Variants in PDZD9 observed in about 807,000 individuals in gnomAD.
PDZD9 encodes PDZ domain containing 9, also known as PDZ domain-containing protein 9.
Under a neutral mutation model 16.3 loss-of-function variants are expected in PDZD9, and 13 were observed. The ratio of observed to expected loss-of-function variants is 0.80; its 90% CI spans 0.52 to 1.27. The LOEUF is 1.27. PDZD9 is among the 50% of genes most tolerant of loss of function. The probability of loss-of-function intolerance (pLI) is 0.00; values close to 1 mark genes in which losing one functional copy is unlikely to be tolerated. For synonymous variants in PDZD9, 120 were observed against 111.0 expected (o/e 1.08, Z -0.51); for missense variants, 288 against 310.9 (o/e 0.93, Z 0.55).
chr16:21,961,626 TTATATATATATATATATA>T, the PDZD9 span, among the ~76,000 whole-genome samples: 1,203 of 64,472 alleles, frequency 0.019, 56 homozygotes, highest in Non-Finnish European at 0.032. Flanking sequence ...AACATAAAAT[TTATATATATATATATATA>T]TATATATATA....
At chr16:21,995,601 A>G (rs1322453152) in intron 2 of PDZD9, among the ~76,000 whole-genome samples, 2 of 151,906 alleles carry the variant, frequency 1.3e-5, no homozygotes, top group East Asian at 3.9e-4. Flanking sequence ...AACTAATGTC[A>G]TATCCTTTTT....
the PDZD9 span, among the ~76,000 whole-genome samples, chr16:21,965,872 C>T: frequency 6.6e-6 from 1 of 152,088 alleles, no homozygotes; most frequent in Non-Finnish European, 1.5e-5. Flanking sequence ...GTTTTAAATA[C>T]GGGGTCTTGC....
the PDZD9 span, among the ~76,000 whole-genome samples, chr16:21,967,003 A>G: frequency 6.6e-6 from 1 of 152,232 alleles, no homozygotes; most frequent in Non-Finnish European, 1.5e-5. Flanking sequence ...GGACATACCA[A>G]AAGGTCCCTT....
chr16:21,966,224 T>C, the PDZD9 span, among the ~76,000 whole-genome samples: 1 of 152,018 alleles, frequency 6.6e-6, no homozygotes, highest in South Asian at 2.1e-4. Flanking sequence ...AACTCTTTGG[T>C]CTCTCTGAAT....
At chr16:21,962,987 TTTTA>T in the PDZD9 span, 3 of 1,364,584 alleles carry the variant, frequency 2.2e-6, no homozygotes, top group Non-Finnish European at 9.7e-7. Context: ...TTATTTTTAT[TTTTA>T]TTTATTTATT....
chr16:21,966,725 T>A, the PDZD9 span, among the ~76,000 whole-genome samples: 4 of 152,226 alleles, frequency 2.6e-5, no homozygotes, highest in African/African-American at 9.7e-5. Context: ...AAGACTGGAC[T>A]CTAATGAGTT....
Position 21,988,590 on chromosome 16 carries a change from T to C in PDZD9, c.401+12A>G, listed in dbSNP as rs1898939708. ...GTATTATAACAAAGAGTTCCTAAAA[T>C]GAACTATTTACCTTGTTACTGGGAA... On this transcript the variant is annotated intron_variant, in intron 3 of 3. Coordinates refer to ENST00000424898, the MANE Select transcript of PDZD9 (RefSeq NM_001363519.1). The C allele has an allele frequency of 1.3e-6, 2 of 1,588,602 alleles. No homozygotes were observed. Among genetic ancestry groups the C allele is most frequent in the African/African-American group, 2.7e-5 (2 of 73,786 alleles).
chr16:21,959,952 C>G, the PDZD9 span, among the ~76,000 whole-genome samples: 2 of 152,194 alleles, frequency 1.3e-5, no homozygotes, highest in African/African-American at 4.8e-5. Flanking sequence ...GATGTACTAT[C>G]ATCCAGGCTT....
At chr16:21,980,495 A>C, downstream of PDZD9, 2 of 1,585,856 alleles carry the variant, frequency 1.3e-6, no homozygotes, top group South Asian at 2.3e-5. Context: ...ACTCAGAAAA[A>C]AAAAATAATT....
rs1185872747 is a variant in PDZD9, at chr16:21,984,389, T to A, written c.673A>T (p.Met225Leu). 3 of 1,614,050 alleles carry A rather than the reference T, an allele frequency of 1.9e-6. No homozygotes were observed. In the African/African-American group the frequency reaches 4.0e-5, roughly 22 times the overall value. The change falls in exon 4 of 4, where the codon ATG becomes TTG. Residue 225 changes from methionine (M) to leucine (L), a missense_variant. Met to Leu is a conservative substitution (Grantham distance 15). Transcript: ENST00000424898. Reference sequence around the variant, plus strand: ...GAGCTTTCATTGTCTTGCTTCACCATTATCCAGTATGGAGAAGGGGCCCTC... The same window carrying A: ...GAGCTTTCATTGTCTTGCTTCACCAATATCCAGTATGGAGAAGGGGCCCTC... ...EVRAPSPYWI[M>L]VKQDNESSSS...
At chr16:21,997,982 C>G (rs1368881339) in intron 1 of PDZD9, among the ~76,000 whole-genome samples, 2 of 152,180 alleles carry the variant, frequency 1.3e-5, no homozygotes, top group African/African-American at 2.4e-5. Context: ...GCCCTTTCCT[C>G]TAAAGCAAAT....
intron 1 of PDZD9, among the ~76,000 whole-genome samples, 174 bp downstream of exon 1, chr16:22,000,825 AATGATGATGATGATGATG>A (rs10611346): frequency 1.1e-4 from 15 of 140,474 alleles, no homozygotes; most frequent in African/African-American, 2.2e-4. Context: ...CTCCTTCTCA[AATGATGATGATGATGATG>A]ATGATGATGA....
intron 1 of PDZD9, among the ~76,000 whole-genome samples, chr16:21,997,783 C>T (rs1240277507): frequency 6.6e-6 from 1 of 152,200 alleles, no homozygotes; most frequent in Non-Finnish European, 1.5e-5. Flanking sequence ...TTTCGGTACA[C>T]AGGAAGCTCC....
the PDZD9 span, chr16:21,959,289 CT>C: frequency 1.6e-5 from 3 of 189,266 alleles, no homozygotes; most frequent in Non-Finnish European, 3.5e-5. Flanking sequence ...AACCTTACCA[CT>C]TTTTTATCAA....
chr16:21,980,084 C>T (rs1450534403), downstream of PDZD9, among the ~76,000 whole-genome samples: 1 of 151,974 alleles, frequency 6.6e-6, no homozygotes, highest in African/African-American at 2.4e-5. Context: ...ATTAAATGCA[C>T]TTTTGACTGC....
the PDZD9 span, among the ~76,000 whole-genome samples, chr16:21,977,183 C>A: frequency 6.6e-6 from 1 of 152,008 alleles, no homozygotes. Flanking sequence ...AAGACACTGT[C>A]TTTACAAAAA....
At chr16:21,988,537 A>G (rs1898938369) in intron 3 of PDZD9, 65 bp downstream of exon 3, 3 of 1,315,590 alleles carry the variant, frequency 2.3e-6, no homozygotes, top group Non-Finnish European at 3.2e-6. Context: ...ACATTAAACC[A>G]TCTATGCCTC....
the PDZD9 span, chr16:21,965,576 G>T: frequency 7.7e-7 from 1 of 1,293,046 alleles, no homozygotes. Flanking sequence ...TTTCAGGTTT[G>T]TTTGTTAATT....
chr16:21,957,552 C>T, the PDZD9 span: 2 of 1,614,126 alleles, frequency 1.2e-6, no homozygotes, highest in African/African-American at 1.3e-5. Context: ...TTTGCTGCGT[C>T]TTACATCCAG....
Sources: gnomAD v4.1 joint callset for allele counts (sites outside exome capture counted in the v4.1 genomes callset) on GRCh38, gnomAD v4.1.1 for gene constraint, MANE v1.5 for transcripts, NCBI Gene and HGNC (gene_info 2026-07-23, HGNC 2026-07-21) for gene names.